MDN1: variants seen among roughly 807,000 people sequenced by gnomAD.
MDN1 encodes midasin.
In MDN1, 266 loss-of-function variants were observed where a neutral mutation model predicts 669.2. The observed-to-expected ratio is 0.40, with a 90% confidence interval of 0.36 to 0.44. The LOEUF (loss-of-function observed/expected upper bound fraction) is 0.44. MDN1 is among the 20% of genes least tolerant of loss of function. MDN1 has a pLI of 1.00. For synonymous variants in MDN1, 2,385 were observed against 2,457.1 expected (o/e 0.97, Z 0.87); for missense variants, 5,940 against 6,754.0 (o/e 0.88, Z 4.22).
At position 89,751,432 on chromosome 6, in the gene MDN1, C is replaced by T. The variant is rs760237752; in HGVS notation, c.3226G>A (p.Gly1076Arg). ...LRDIVRVVSAGTYPVLIQGET... is the reference protein window; with the variant it reads ...LRDIVRVVSARTYPVLIQGET... ...GCAGCGAGAAAAAAGCCCACACACC[C>T]TGCAGAGACAACTCGGACTATATCT... Residue 1076 changes from glycine to arginine, a missense_variant and splice_region_variant, in exon 23 of 102, where the codon GGA becomes AGA. Gly to Arg is a moderately radical substitution (Grantham distance 125, BLOSUM62 -2). Coordinates refer to ENST00000369393, the MANE Select transcript of MDN1 (RefSeq NM_014611.3). The T allele has an allele frequency of 6.8e-6, 11 of 1,614,146 alleles. No individual in the cohort carries two copies. In the Admixed American group the frequency reaches 1.8e-4, roughly 27 times the overall value.
rs562340374 is a variant in MDN1 at position 89,758,502 on chromosome 6, T to G, written c.2606-151A>C. ...TAACTTTCCAGACCTATGTATTCAATCTAATCTTATACTGCAGTCTTTTGC... is the reference window on the plus strand; with the variant it reads ...TAACTTTCCAGACCTATGTATTCAAGCTAATCTTATACTGCAGTCTTTTGC... On this transcript the variant is annotated intron_variant, in intron 18 of 101. Transcript: ENST00000369393. 1,406 of 675,156 alleles carry G rather than the reference T, an allele frequency of 2.1e-3. 5 individuals carry two copies. The highest frequency in any genetic ancestry group is 3.0e-3 in the Non-Finnish European group (1,197 of 396,118). 41.8% of individuals were successfully genotyped at this position (675,156 alleles called of 1,614,324 possible).
At chr6:89,704,792 GGAT>G (rs1442165136) in intron 53 of MDN1, among the ~76,000 whole-genome samples, 1 of 152,184 alleles carries the variant, frequency 6.6e-6, no homozygotes, top group South Asian at 2.1e-4. Flanking sequence ...GTGTTAGCCA[GGAT>G]GGCCTTGATC....
At chr6:89,715,598 C>T in intron 45 of MDN1, 55 bp downstream of exon 45, 1 of 1,058,132 alleles carries the variant, frequency 9.5e-7, no homozygotes, top group Non-Finnish European at 1.5e-6. Context: ...TGAACGTCTA[C>T]CTCTGCTACT....
intron 63 of MDN1, among the ~76,000 whole-genome samples, 192 bp from the exon 64 acceptor site, chr6:89,691,026 C>G (rs1489180196): frequency 6.6e-6 from 1 of 152,202 alleles, no homozygotes; most frequent in Admixed American, 6.5e-5. Flanking sequence ...GTAGCCTCAG[C>G]AACCAGTTTC....
chr6:89,680,439 CTG>C, intron 74 of MDN1, 148 bp downstream of exon 74: 1 of 852,530 alleles, frequency 1.2e-6, no homozygotes, highest in South Asian at 2.0e-5. Flanking sequence ...TTTCTGAGCT[CTG>C]TGGGTTTTTA....
In MDN1 at chr6:89,776,666, A is replaced by G. The variant is rs1223641310; in HGVS notation, c.1755T>C (p.Ser585=). ...EALDCFTAML[S]EHTSKLKMAE... ...CCATTTTCAGTTTGCTTGTATGCTC[A>G]GAAAGCATTGCTGTGAAACAGTCTA... The change falls in exon 12 of 102, where the codon TCT becomes TCC. Residue 585 remains serine, a synonymous_variant. Coordinates refer to ENST00000369393, the MANE Select transcript of MDN1 (RefSeq NM_014611.3). 1.2e-5 allele frequency: 20 copies of G among 1,612,754 alleles called. No homozygotes were observed. Among genetic ancestry groups the G allele is most frequent in the Non-Finnish European group, 1.7e-5 (20 of 1,179,124 alleles).
At chr6:89,689,209 A>G (rs767558933) in intron 65 of MDN1, among the ~76,000 whole-genome samples, 18 of 152,216 alleles carry the variant, frequency 1.2e-4, no homozygotes, top group Non-Finnish European at 2.4e-4. Flanking sequence ...ATTCTCCCCT[A>G]AAGCAACATT....
Position 89,687,343 on chromosome 6 carries a change from C to T in MDN1, c.11450+1G>A, listed in dbSNP as rs367804606. On this transcript the variant is annotated splice_donor_variant, in intron 68 of 101. Coordinates refer to ENST00000369393, the MANE Select transcript of MDN1 (RefSeq NM_014611.3). LOFTEE classifies it high-confidence loss of function. ...TAGGAGAGGGAAGGAGAGTCACTTA[C>T]TTCAGCTCCAGTTTACGCCACCGAA... The T allele has an allele frequency of 6.2e-7, 1 of 1,613,482 alleles. No homozygotes were observed. Among genetic ancestry groups the T allele is most frequent in the Admixed American group, 1.7e-5 (1 of 59,986 alleles).
intron 45 of MDN1, among the ~76,000 whole-genome samples, chr6:89,715,324 C>T (rs76069351): frequency 0.099 from 15,040 of 152,184 alleles, 959 homozygotes; most frequent in South Asian, 0.16. Context: ...CATCAGCAAA[C>T]CAACCCATCT....
intron 23 of MDN1, 51 bp downstream of exon 23, chr6:89,751,380 A>C: frequency 6.2e-7 from 1 of 1,603,018 alleles, no homozygotes; most frequent in Non-Finnish European, 8.5e-7. Flanking sequence ...AAATGTCATC[A>C]ATGCCTATGC....
chr6:89,673,531 C>T (rs1353205514), intron 79 of MDN1, 69 bp from the exon 80 acceptor site: 4 of 1,330,178 alleles, frequency 3.0e-6, no homozygotes, highest in East Asian at 2.4e-5. Context: ...CCCCTCCCTG[C>T]AACCACTACA....
At chr6:89,728,461 G>A (rs1815374853) in intron 36 of MDN1, among the ~76,000 whole-genome samples, 1 of 152,194 alleles carries the variant, frequency 6.6e-6, no homozygotes, top group Non-Finnish European at 1.5e-5. Flanking sequence ...TATTATAGGT[G>A]TCAGCAATTA....
chr6:89,755,857 T>C (rs1238289767), intron 20 of MDN1, among the ~76,000 whole-genome samples: 1 of 152,226 alleles, frequency 6.6e-6, no homozygotes, highest in Non-Finnish European at 1.5e-5. Flanking sequence ...TAAGCTTCCA[T>C]TAATTCCAAA....
chr6:89,758,731 T>C, intron 18 of MDN1, 85 bp downstream of exon 18: 2 of 1,454,576 alleles, frequency 1.4e-6, no homozygotes, highest in Non-Finnish European at 1.9e-6. Context: ...CATGTCATCC[T>C]TCTAACAACA....
intron 2 of MDN1, among the ~76,000 whole-genome samples, chr6:89,796,338 A>AAAAAAC (rs1819603985): frequency 2.2e-5 from 3 of 134,082 alleles, no homozygotes; most frequent in Admixed American, 7.4e-5. Context: ...AAAAAAAAAA[A>AAAAAAC]AAAAAAAAAA....
Position 89,714,656 on chromosome 6 carries a change from C to T in MDN1, c.6956G>A (p.Ser2319Asn). 2 of 1,614,076 alleles carry T rather than the reference C, an allele frequency of 1.2e-6. No homozygotes were observed. Among genetic ancestry groups the T allele is most frequent in the Non-Finnish European group, 1.7e-6 (2 of 1,179,948 alleles). ...TTTCAAATCCAGGTTGTCTGGGGTG[C>T]TTGCATCCCCTTCCCCTGAAATGTA... ...EIYISGEGDA[S>N]TPDNLDLKVL... Residue 2319 changes from serine to asparagine, a missense_variant, in exon 46 of 102, where the codon AGC becomes AAC. Transcript: ENST00000369393.
intron 32 of MDN1, 47 bp downstream of exon 32, chr6:89,740,187 G>A (rs768409738): frequency 3.1e-6 from 5 of 1,596,360 alleles, no homozygotes; most frequent in Non-Finnish European, 4.3e-6. Context: ...GTACCAGTAA[G>A]CTGAGGTCAA....
At position 89,690,574 on chromosome 6, in the gene MDN1, A is replaced by G. The variant is rs1812315882; in HGVS notation, c.10749+99T>C. 2.8e-6 allele frequency: 4 copies of G among 1,431,512 alleles called. No individual in the cohort carries two copies. In the South Asian group the frequency reaches 5.2e-5, roughly 19 times the overall value. The allele number at this position is 1,431,512 out of a possible 1,614,324, so 88.7% of individuals were successfully genotyped here. On this transcript the variant is annotated intron_variant, in intron 64 of 101. Coordinates refer to ENST00000369393, the MANE Select transcript of MDN1 (RefSeq NM_014611.3). Reference sequence around the variant, plus strand: ...CCCAGTCTCTAAAATACATACATACAGAGAGAGAGATAAAGAGGAAGAGAG... The same window carrying G: ...CCCAGTCTCTAAAATACATACATACGGAGAGAGAGATAAAGAGGAAGAGAG...
Position 89,794,354 on chromosome 6 carries a change from G to A in MDN1, c.555-147C>T, listed in dbSNP as rs1206685690. 4.5e-6 allele frequency: 3 copies of A among 660,560 alleles called. No homozygotes were observed. In the African/African-American group the frequency reaches 5.5e-5, roughly 12 times the overall value. The allele number at this position is 660,560 out of a possible 1,614,324, so 40.9% of individuals were successfully genotyped here. On this transcript the variant is annotated intron_variant, in intron 3 of 101. Transcript: ENST00000369393. ...ACAGAAAATACAAATCAGGCACAAT[G>A]GATTTACTTGATGGAACATGAAAAA...
Sources: gnomAD v4.1 joint callset for allele counts (sites outside exome capture counted in the v4.1 genomes callset) on GRCh38, gnomAD v4.1.1 for gene constraint, MANE v1.5 for transcripts, NCBI Gene and HGNC (gene_info 2026-07-23, HGNC 2026-07-21) for gene names.